The following ADGRB3 variants were observed in gnomAD, a reference collection of about 807,000 sequenced individuals.
ADGRB3 encodes the protein brain-specific angiogenesis inhibitor 3.
A neutral mutation model predicts 193.4 loss-of-function variants in ADGRB3; 37 were observed. The ratio of observed to expected loss-of-function variants is 0.19; its 90% CI spans 0.15 to 0.25. ADGRB3 has a LOEUF of 0.25. Ranked by LOEUF, ADGRB3 falls within the 10% of genes least tolerant of loss-of-function variation. The pLI, the probability that ADGRB3 is intolerant of heterozygous loss-of-function variation, is 1.00. For synonymous variants in ADGRB3, 690 were observed against 644.2 expected, an observed-to-expected ratio of 1.07 and a Z score of -1.08; for missense variants, 1,637 against 1,852.9, an observed-to-expected ratio of 0.88 and a Z score of 2.14.
At chr6:68,791,149 C>T (rs573033675) in intron 3 of ADGRB3, among the ~76,000 whole-genome samples, 141 of 151,904 alleles carry the variant, frequency 9.3e-4, no homozygotes, top group Middle Eastern at 3.5e-3. Flanking sequence ...TCTGAGTTTC[C>T]TTAGCAATAT....
chr6:69,222,732 A>T (rs983261561), intron 17 of ADGRB3, among the ~76,000 whole-genome samples: 23 of 152,216 alleles, frequency 1.5e-4, no homozygotes, highest in Admixed American at 1.2e-3. Context: ...GAATGTACTT[A>T]TTTCTATTAT....
chr6:68,980,711 C>G (rs1407946810), intron 10 of ADGRB3, among the ~76,000 whole-genome samples: 1 of 151,486 alleles, frequency 6.6e-6, no homozygotes, highest in East Asian at 1.9e-4. Context: ...GTCATAGGAA[C>G]TAGCAGATGG....
chr6:68,972,440 C>G (rs1768601095), intron 8 of ADGRB3, among the ~76,000 whole-genome samples: 1 of 152,090 alleles, frequency 6.6e-6, no homozygotes, highest in East Asian at 1.9e-4. Context: ...TTTGGAGCAC[C>G]TGGCAAAATG....
chr6:69,363,952 C>A (rs1454612605), intron 29 of ADGRB3, among the ~76,000 whole-genome samples: 1 of 151,886 alleles, frequency 6.6e-6, no homozygotes, highest in African/African-American at 2.4e-5. Context: ...TAACAGTAGT[C>A]AGGAGGTGTT....
At chr6:69,103,095 A>G (rs898363184) in intron 17 of ADGRB3, among the ~76,000 whole-genome samples, 1 of 152,142 alleles carries the variant, frequency 6.6e-6, no homozygotes, top group African/African-American at 2.4e-5. Context: ...AAGTGTTCAA[A>G]TGTTGCCCTC....
intron 11 of ADGRB3, among the ~76,000 whole-genome samples, chr6:69,000,447 C>T (rs1401151150): frequency 6.6e-6 from 1 of 152,172 alleles, no homozygotes; most frequent in Admixed American, 6.5e-5. Flanking sequence ...TCATAGCCGA[C>T]AGCACTTTAT....
intron 13 of ADGRB3, among the ~76,000 whole-genome samples, chr6:69,038,047 A>C (rs1029774772): frequency 1.1e-4 from 16 of 152,200 alleles, no homozygotes; most frequent in Admixed American, 1.0e-3. Flanking sequence ...AGGATAGCCC[A>C]AGGAATACTG....
chr6:69,190,176 A>G (rs150877162), intron 17 of ADGRB3, among the ~76,000 whole-genome samples: 67 of 152,288 alleles, frequency 4.4e-4, no homozygotes, highest in African/African-American at 1.5e-3. Flanking sequence ...AAAGTTAACT[A>G]TAAAGTAGCC....
chr6:69,187,905 G>T (rs536048558), intron 17 of ADGRB3, among the ~76,000 whole-genome samples: 1 of 152,284 alleles, frequency 6.6e-6, no homozygotes, highest in African/African-American at 2.4e-5. Flanking sequence ...AGCAAAGATG[G>T]AGAACCTGGA....
At chr6:69,280,165 A>G (rs1004959359) in intron 20 of ADGRB3, among the ~76,000 whole-genome samples, 9 of 152,200 alleles carry the variant, frequency 5.9e-5, no homozygotes, top group African/African-American at 2.2e-4. Context: ...TGCTGTATGC[A>G]GGAGAATATT....
At chr6:68,960,421 G>A (rs1227669480) in intron 8 of ADGRB3, among the ~76,000 whole-genome samples, 1 of 152,044 alleles carries the variant, frequency 6.6e-6, no homozygotes, top group Non-Finnish European at 1.5e-5. Context: ...CCGTAGTGTT[G>A]GTAATGCAAA....
intron 15 of ADGRB3, among the ~76,000 whole-genome samples, chr6:69,050,239 C>A (rs1771354600): frequency 6.7e-6 from 1 of 150,338 alleles, no homozygotes; most frequent in Non-Finnish European, 1.5e-5. Flanking sequence ...AAAAAAATCA[C>A]CCAAGGAAGC....
intron 3 of ADGRB3, among the ~76,000 whole-genome samples, chr6:68,917,578 C>T (rs1418990982): frequency 6.6e-6 from 1 of 152,126 alleles, no homozygotes; most frequent in Non-Finnish European, 1.5e-5. Context: ...GTACTAATAA[C>T]TCAATATTGA....
chr6:69,044,835 C>A (rs1281353117), intron 13 of ADGRB3, among the ~76,000 whole-genome samples: 11 of 151,700 alleles, frequency 7.3e-5, no homozygotes, highest in Admixed American at 7.2e-4. Context: ...GACACTGAGT[C>A]CTTTGAGATT....
At chr6:68,967,758 C>T (rs985472038) in intron 8 of ADGRB3, among the ~76,000 whole-genome samples, 4 of 151,852 alleles carry the variant, frequency 2.6e-5, no homozygotes, top group African/African-American at 9.7e-5. Flanking sequence ...TACAAGGTGA[C>T]AGGAAAGTGC....
chr6:69,223,650 C>G (rs1263897604), intron 17 of ADGRB3, among the ~76,000 whole-genome samples: 1 of 137,034 alleles, frequency 7.3e-6, no homozygotes, highest in Admixed American at 7.3e-5. Flanking sequence ...CTCTCTCTCT[C>G]TCTTTTTTTT....
chr6:69,029,795 A>C (rs1770572504), intron 13 of ADGRB3, among the ~76,000 whole-genome samples: 2 of 152,130 alleles, frequency 1.3e-5, no homozygotes, highest in South Asian at 2.1e-4. Context: ...AAGATTTCCT[A>C]TAATAATACA....
intron 3 of ADGRB3, among the ~76,000 whole-genome samples, chr6:68,715,702 AT>A (rs1479130341): frequency 1.3e-5 from 2 of 151,836 alleles, no homozygotes; most frequent in Non-Finnish European, 2.9e-5. Flanking sequence ...GTTGCTTTAC[AT>A]ACATGCTAAT....
At chr6:69,336,374 C>T (rs947760699) in intron 24 of ADGRB3, among the ~76,000 whole-genome samples, 1 of 151,106 alleles carries the variant, frequency 6.6e-6, no homozygotes, top group African/African-American at 2.4e-5. Flanking sequence ...ACTAAGGAAA[C>T]TATGACTTAC....
Sources: gnomAD v4.1 joint callset for allele counts (sites outside exome capture counted in the v4.1 genomes callset) on GRCh38, gnomAD v4.1.1 for gene constraint, MANE v1.5 for transcripts, NCBI Gene and HGNC (gene_info 2026-07-23, HGNC 2026-07-21) for gene names.